ACSM3: variants seen among roughly 807,000 people sequenced by gnomAD.
ACSM3 encodes the protein acyl-coenzyme A synthetase ACSM3, mitochondrial.
ACSM3 carries 61 observed loss-of-function variants against 74.1 expected under a neutral mutation model. The observed-to-expected ratio is 0.82, with a 90% CI of 0.67 to 1.02. The LOEUF is 1.02. Among genes scored for constraint, ACSM3 ranks in the 50% least tolerant of loss-of-function variants. The pLI is 0.00. For synonymous variants in ACSM3, 213 were observed against 241.5 expected (o/e 0.88, Z 1.09); for missense variants, 660 against 697.0 (o/e 0.95, Z 0.60).
chr16:20,741,409 AC>A (rs2152422841), intron 1 of ACSM3: 1 of 1,398,658 alleles, frequency 7.1e-7, no homozygotes. Flanking sequence ...CACGCCGACG[AC>A]CCGAGGCGCG....
At position 20,792,069 on chromosome 16, in the gene ACSM3, T is replaced by G; in HGVS notation, c.1394T>G (p.Met465Arg). 6.2e-7 allele frequency: 1 copy of G among 1,614,170 alleles called. No homozygotes were observed. The highest frequency in any genetic ancestry group is 8.5e-7 in the Non-Finnish European group (1 of 1,180,010). Residue 465 changes from methionine (M) to arginine (R), a missense_variant, in exon 11 of 14, where the codon ATG becomes AGG. Met to Arg is a moderately conservative substitution (Grantham distance 91). Transcript: ENST00000289416. Reference protein sequence around the residue: ...NFYITGDRGYMDKDGYFWFVA... With the variant: ...NFYITGDRGYRDKDGYFWFVA... ...TATATCACTGGGGACAGAGGATATA[T>G]GGATAAAGATGGGTATTTCTGGTTT...
chr16:20,714,215 A>G (rs1012050950), intron 1 of ACSM3, among the ~76,000 whole-genome samples: 3 of 152,038 alleles, frequency 2.0e-5, no homozygotes, highest in Non-Finnish European at 4.4e-5. Context: ...AGGCAAAAAA[A>G]AAAAACACCC....
intron 1 of ACSM3, among the ~76,000 whole-genome samples, chr16:20,768,847 C>G (rs947185515): frequency 2.0e-5 from 3 of 152,124 alleles, no homozygotes. Context: ...AAAGCTGAAA[C>G]CAGATGGTGT....
intron 1 of ACSM3, among the ~76,000 whole-genome samples, chr16:20,683,707 C>CTT (rs201416828): frequency 0.089 from 9,666 of 108,168 alleles, 622 homozygotes; most frequent in African/African-American, 0.21. Context: ...TTCTTTCTCT[C>CTT]TCTCTCTCTC....
At chr16:20,768,668 C>T (rs1003361804) in intron 1 of ACSM3, among the ~76,000 whole-genome samples, 1 of 152,042 alleles carries the variant, frequency 6.6e-6, no homozygotes, top group African/African-American at 2.4e-5. Flanking sequence ...CTTGGTGATT[C>T]AAATGTACAG....
chr16:20,693,625 T>G (rs1310355215), intron 1 of ACSM3, among the ~76,000 whole-genome samples: 1 of 152,196 alleles, frequency 6.6e-6, no homozygotes, highest in Non-Finnish European at 1.5e-5. Flanking sequence ...TTCAACTTGT[T>G]GTCAAGTGGC....
intron 1 of ACSM3, among the ~76,000 whole-genome samples, chr16:20,726,810 C>T (rs78597194): frequency 6.7e-4 from 102 of 152,310 alleles, no homozygotes; most frequent in Non-Finnish European, 1.2e-3. Flanking sequence ...ATGTAAGTGA[C>T]TTGCTTGGTG....
At chr16:20,683,793 C>T (rs1474239052) in intron 1 of ACSM3, among the ~76,000 whole-genome samples, 1 of 151,236 alleles carries the variant, frequency 6.6e-6, no homozygotes, top group African/African-American at 2.4e-5. Flanking sequence ...TGGTCTCGAT[C>T]TCCTGACCTC....
chr16:20,693,514 T>C (rs925081158), intron 1 of ACSM3, among the ~76,000 whole-genome samples: 3 of 152,204 alleles, frequency 2.0e-5, no homozygotes, highest in Non-Finnish European at 4.4e-5. Context: ...AACATTTAAG[T>C]TCCCTCTTGC....
At chr16:20,749,182 A>G (rs2079971389) in intron 1 of ACSM3, 1 of 152,168 alleles carries the variant, frequency 6.6e-6, no homozygotes, top group African/African-American at 2.4e-5. Flanking sequence ...ATGTATATAT[A>G]TGTGTGTTAT....
intron 1 of ACSM3, chr16:20,734,558 C>G (rs563055895): frequency 6.6e-6 from 1 of 152,298 alleles, no homozygotes; most frequent in East Asian, 1.9e-4. Context: ...GCCACTTGTG[C>G]AGGAAGCCTA....
At chr16:20,682,430 T>C in intron 1 of ACSM3, 1 of 1,613,726 alleles carries the variant, frequency 6.2e-7, no homozygotes, top group Non-Finnish European at 8.5e-7. Flanking sequence ...GTCTTTGGCC[T>C]TCAACAGGAT....
chr16:20,751,609 A>T (rs2079989466), intron 2 of ACSM3, among the ~76,000 whole-genome samples: 1 of 152,054 alleles, frequency 6.6e-6, no homozygotes, highest in Non-Finnish European at 1.5e-5. Flanking sequence ...GTGATAGTAG[A>T]GCTCAGTGGG....
At chr16:20,679,963 C>G (rs2079404742) in intron 1 of ACSM3, 1 of 151,918 alleles carries the variant, frequency 6.6e-6, no homozygotes, top group African/African-American at 2.4e-5. Flanking sequence ...GTTCACAATC[C>G]TAAAAAAAAA....
chr16:20,683,350 A>G (rs2079484807), intron 1 of ACSM3, among the ~76,000 whole-genome samples: 1 of 151,130 alleles, frequency 6.6e-6, no homozygotes, highest in African/African-American at 2.4e-5. Flanking sequence ...ATGGTCTTGG[A>G]CTTCTGACCA....
At chr16:20,726,066 A>C (rs1033623700) in intron 1 of ACSM3, among the ~76,000 whole-genome samples, 3 of 152,178 alleles carry the variant, frequency 2.0e-5, no homozygotes, top group African/African-American at 7.2e-5. Context: ...CTCTAGGACA[A>C]CTGGACATTT....
intron 12 of ACSM3, among the ~76,000 whole-genome samples, chr16:20,793,729 A>G (rs1009967031): frequency 2.0e-5 from 3 of 152,206 alleles, no homozygotes; most frequent in Non-Finnish European, 2.9e-5. Flanking sequence ...AGGGCAGGGA[A>G]AACAGTCAGT....
At chr16:20,741,500 G>C in intron 1 of ACSM3, 1 of 214,614 alleles carries the variant, frequency 4.7e-6, no homozygotes, top group Non-Finnish European at 9.4e-6. Context: ...CCCACCCCGG[G>C]ACCGGTACCT....
At chr16:20,718,550 G>A (rs1012056835) in intron 1 of ACSM3, 2 of 257,832 alleles carry the variant, frequency 7.8e-6, no homozygotes, top group African/African-American at 4.5e-5. Context: ...GCCAATATGT[G>A]TATCCAACTA....
Sources: allele counts gnomAD v4.1 joint callset (sites outside exome capture counted in the v4.1 genomes callset), GRCh38; gene constraint gnomAD v4.1.1; transcripts MANE v1.5; gene names NCBI Gene and HGNC (gene_info 2026-07-23, HGNC 2026-07-21).